The following PHYHIPL variants were observed in gnomAD, a reference collection of about 807,000 sequenced individuals.
The protein encoded by PHYHIPL is phytanoyl-CoA hydroxylase-interacting protein-like.
A neutral mutation model predicts 33.4 loss-of-function variants in PHYHIPL; 9 were observed. That is an observed-to-expected ratio of 0.27 (90% CI 0.16 to 0.47). The LOEUF is 0.47. PHYHIPL is among the 20% of genes least tolerant of loss of function. The probability of loss-of-function intolerance (pLI) is 0.99; values close to 1 mark genes in which losing one functional copy is unlikely to be tolerated. For missense variants in PHYHIPL, 365 were observed against 460.7 expected, an observed-to-expected ratio of 0.79 and a Z score of 1.90; for synonymous variants, 153 against 154.1, an observed-to-expected ratio of 0.99 and a Z score of 0.05.
rs766204382 is a variant in PHYHIPL at position 59,245,351 on chromosome 10, G to C, written c.891G>C (p.Lys297Asn). Reference protein sequence around the residue: ...PVGSPGDEFCKQRLPQLNSKD... With the variant: ...PVGSPGDEFCNQRLPQLNSKD... The stretch of plus-strand genomic sequence containing the variant: ...GATCACCAGGAGATGAATTTTGTAA[G>C]CAGCGCCTTCCTCAACTAAATTCTA... Residue 297 changes from lysine to asparagine, a missense_variant, in exon 5 of 5, where the codon AAG (lysine) becomes AAC (asparagine). Physicochemically the swap from Lys to Asn is moderately conservative, Grantham distance 94. Around this residue, in one of 4 missense-constraint regions of PHYHIPL, gnomAD observed 196 missense variants for 224.9 expected, o/e 0.87. Coordinates refer to ENST00000373880, the MANE Select transcript of PHYHIPL (RefSeq NM_032439.4). 28 of 1,614,036 alleles carry C rather than the reference G, an allele frequency of 1.7e-5. No homozygotes were observed. Among genetic ancestry groups the C allele is most frequent in the Non-Finnish European group, 2.4e-5 (28 of 1,180,026 alleles).
chr10:59,211,163 A>G (rs938785696), intron 1 of PHYHIPL, among the ~76,000 whole-genome samples: 2 of 152,064 alleles, frequency 1.3e-5, no homozygotes, highest in Non-Finnish European at 2.9e-5. Context: ...ACTTGAGGCC[A>G]AGAATTTGAG....
At chr10:59,239,420 C>T (rs1840324013) in intron 4 of PHYHIPL, among the ~76,000 whole-genome samples, 1 of 151,906 alleles carries the variant, frequency 6.6e-6, no homozygotes, top group African/African-American at 2.4e-5. Flanking sequence ...AAAGATTTCC[C>T]CCTCCCCATA....
At chr10:59,189,169 C>CAGA (rs1564702191) in intron 1 of PHYHIPL, among the ~76,000 whole-genome samples, 2 of 151,982 alleles carry the variant, frequency 1.3e-5, no homozygotes, top group African/African-American at 4.8e-5. Context: ...CTTCCATAGT[C>CAGA]TATCTCAAGC....
At chr10:59,196,497 G>A (rs980041641) in intron 1 of PHYHIPL, among the ~76,000 whole-genome samples, 2 of 148,620 alleles carry the variant, frequency 1.3e-5, no homozygotes, top group Non-Finnish European at 3.0e-5. Flanking sequence ...CTCACTGCAA[G>A]CTCCACCTCC....
chr10:59,189,834 A>G (rs1435964393), intron 1 of PHYHIPL, among the ~76,000 whole-genome samples: 1 of 151,930 alleles, frequency 6.6e-6, no homozygotes, highest in African/African-American at 2.4e-5. Flanking sequence ...GGAGAGGGGT[A>G]TTTCTGGCTG....
chr10:59,226,701 A>T (rs1465408727), intron 1 of PHYHIPL, among the ~76,000 whole-genome samples: 2 of 152,196 alleles, frequency 1.3e-5, no homozygotes, highest in African/African-American at 4.8e-5. Flanking sequence ...TGCCATGAGA[A>T]ATTAAAAGTA....
chr10:59,177,819 C>T (rs563769290), intron 1 of PHYHIPL, among the ~76,000 whole-genome samples: 1 of 152,246 alleles, frequency 6.6e-6, no homozygotes, highest in African/African-American at 2.4e-5. Context: ...TACAAAACTT[C>T]ATTTGTAAAG....
chr10:59,175,863 C>A (rs1194069379), upstream of PHYHIPL, among the ~76,000 whole-genome samples: 1 of 151,906 alleles, frequency 6.6e-6, no homozygotes, highest in Admixed American at 6.5e-5. Context: ...TTATTTGCTA[C>A]GCGCATGAAT....
chr10:59,210,070 T>C (rs1839400355), intron 1 of PHYHIPL, among the ~76,000 whole-genome samples: 2 of 152,046 alleles, frequency 1.3e-5, no homozygotes, highest in Non-Finnish European at 2.9e-5. Flanking sequence ...AAAGCCAAAA[T>C]TGACAAATGG....
intron 4 of PHYHIPL, among the ~76,000 whole-genome samples, chr10:59,243,910 G>A (rs944327794): frequency 3.3e-5 from 5 of 152,146 alleles, no homozygotes; most frequent in African/African-American, 1.2e-4. Flanking sequence ...GACTTGAAAA[G>A]TTTTACTCTT....
intron 4 of PHYHIPL, among the ~76,000 whole-genome samples, chr10:59,243,635 T>G (rs148943682): frequency 1.3e-5 from 2 of 152,144 alleles, no homozygotes; most frequent in African/African-American, 4.8e-5. Context: ...CAGAGGCAGA[T>G]CCAGGCATTT....
intron 4 of PHYHIPL, among the ~76,000 whole-genome samples, chr10:59,243,238 AC>A (rs1840475452): frequency 4.6e-5 from 7 of 152,206 alleles, no homozygotes; most frequent in African/African-American, 7.2e-5. Flanking sequence ...AAAGAAAGTG[AC>A]ACAATATTTT....
At position 59,214,883 on chromosome 10, in the gene PHYHIPL, T is replaced by G. The variant is rs574214564; in HGVS notation, c.107-19421T>G. ...AGGAATTTTTGAAGAAATGGTTGATTCCAGGTCTAGACAGGGCAGATAACA... is the reference window on the plus strand; with the variant it reads ...AGGAATTTTTGAAGAAATGGTTGATGCCAGGTCTAGACAGGGCAGATAACA... On this transcript the variant is annotated intron_variant, in intron 1 of 4. Transcript: ENST00000373880. Among the ~76,000 whole-genome samples the G allele has an allele frequency of 2.6e-4, 39 of 152,092 alleles. No individual in the cohort carries two copies. In the South Asian group the frequency reaches 7.9e-3, roughly 31 times the overall value.
chr10:59,186,999 T>C (rs1234901878), intron 1 of PHYHIPL, among the ~76,000 whole-genome samples: 2 of 152,212 alleles, frequency 1.3e-5, no homozygotes, highest in Non-Finnish European at 2.9e-5. Flanking sequence ...TCCAACACTA[T>C]GTTGAATAGG....
chr10:59,196,189 G>C (rs1007975264), intron 1 of PHYHIPL, among the ~76,000 whole-genome samples: 1 of 151,950 alleles, frequency 6.6e-6, no homozygotes, highest in African/African-American at 2.4e-5. Context: ...TTGAATTGCT[G>C]TGTCACAAAA....
intron 1 of PHYHIPL, among the ~76,000 whole-genome samples, chr10:59,200,204 A>G (rs2073968549): frequency 6.6e-6 from 1 of 152,192 alleles, no homozygotes; most frequent in African/African-American, 2.4e-5. Flanking sequence ...TGTCATAAAC[A>G]ACTCTTATCA....
Position 59,176,906 on chromosome 10 carries a change from A to G in PHYHIPL, c.53A>G (p.Glu18Gly). The G allele has an allele frequency of 1.9e-6, 3 of 1,613,750 alleles. No individual in the cohort carries two copies. Among genetic ancestry groups the G allele is most frequent in the Admixed American group, 1.7e-5 (1 of 59,992 alleles). Residue 18 changes from glutamate (E) to glycine (G), a missense_variant, in exon 1 of 5, where the codon GAG (glutamate) becomes GGG (glycine). Physicochemically the swap from Glu to Gly is moderately conservative, Grantham distance 98. Around this residue, in one of 4 missense-constraint regions of PHYHIPL, gnomAD observed 89 missense variants for 78.3 expected, o/e 1.14. Coordinates refer to ENST00000373880, the MANE Select transcript of PHYHIPL (RefSeq NM_032439.4). ...HALNSPTSPC[E>G]EVIKNLSLEA... The stretch of plus-strand genomic sequence containing the variant: ...CTCAACAGCCCCACCAGCCCCTGTG[A>G]GGAGGTGATCAAAAACCTCAGCCTG...
rs1439127980 is a variant in PHYHIPL at position 59,236,617 on chromosome 10, T to C, written c.438T>C (p.Val146=). Residue 146 remains valine, a synonymous_variant, in exon 3 of 5, where the codon GTT becomes GTC. Coordinates refer to ENST00000373880, the MANE Select transcript of PHYHIPL (RefSeq NM_032439.4). The part of the protein sequence containing the change: ...TASKQVDGDY[V]VSEWSEIIEF... The stretch of plus-strand genomic sequence containing the variant: ...CAAAACAAGTTGATGGTGATTATGT[T>C]GTGTCTGAATGGAGTGAAATTATAG... 1 of 1,608,224 alleles carries C rather than the reference T, an allele frequency of 6.2e-7. No homozygotes were observed. Among genetic ancestry groups the C allele is most frequent in the Non-Finnish European group, 8.5e-7 (1 of 1,176,966 alleles).
At chr10:59,195,012 T>TA (rs1385827816) in intron 1 of PHYHIPL, among the ~76,000 whole-genome samples, 1 of 151,920 alleles carries the variant, frequency 6.6e-6, no homozygotes, top group Non-Finnish European at 1.5e-5. Flanking sequence ...TATTTTTAAG[T>TA]AAAAAATGAC....
Sources: gnomAD v4.1 joint callset for allele counts (sites outside exome capture counted in the v4.1 genomes callset) on GRCh38, gnomAD v4.1.1 for gene constraint, gnomAD v4.1.1 regional missense constraint, MANE v1.5 for transcripts, NCBI Gene and HGNC (gene_info 2026-07-23, HGNC 2026-07-21) for gene names.